TRPC4: variants seen among roughly 807,000 people sequenced by gnomAD.
TRPC4 encodes transient receptor potential cation channel subfamily C member 4.
A neutral mutation model predicts 99.4 loss-of-function variants in TRPC4; 49 were observed. The observed-to-expected ratio is 0.49, with a 90% CI of 0.39 to 0.63. The LOEUF (loss-of-function observed/expected upper bound fraction) is 0.63, where lower values mean the gene tolerates loss of function less well. TRPC4 is among the 20% of genes least tolerant of loss of function. The pLI is 0.00. For missense variants in TRPC4, 898 were observed against 1,152.9 expected (o/e 0.78, Z 3.20); for synonymous variants, 454 against 425.9 (o/e 1.07, Z -0.81).
intron 8 of TRPC4, among the ~76,000 whole-genome samples, chr13:37,648,230 C>A (rs566641458): frequency 6.6e-6 from 1 of 152,114 alleles, no homozygotes; most frequent in African/African-American, 2.4e-5. Flanking sequence ...TGTGAGCCGC[C>A]GCACCCAGCG....
At chr13:37,799,295 T>C (rs1957336352) in intron 1 of TRPC4, among the ~76,000 whole-genome samples, 1 of 152,174 alleles carries the variant, frequency 6.6e-6, no homozygotes, top group Non-Finnish European at 1.5e-5. Flanking sequence ...CCTCTAGCAA[T>C]GCATGTAGAG....
At chr13:37,698,138 C>A (rs1180179881) in intron 3 of TRPC4, among the ~76,000 whole-genome samples, 1 of 121,978 alleles carries the variant, frequency 8.2e-6, no homozygotes, top group South Asian at 2.7e-4. Context: ...CATTTTTGCC[C>A]AGTTCTCAAG....
At chr13:37,660,842 C>T (rs1225770104) in intron 6 of TRPC4, among the ~76,000 whole-genome samples, 1 of 152,078 alleles carries the variant, frequency 6.6e-6, no homozygotes, top group African/African-American at 2.4e-5. Flanking sequence ...AAAGAAAGCA[C>T]AGAAGTAAGA....
At chr13:37,771,778 A>C (rs1367912885) in intron 2 of TRPC4, among the ~76,000 whole-genome samples, 1 of 151,758 alleles carries the variant, frequency 6.6e-6, no homozygotes, top group Non-Finnish European at 1.5e-5. Flanking sequence ...GGGTATATGT[A>C]GAAGAAAAAA....
intron 3 of TRPC4, among the ~76,000 whole-genome samples, chr13:37,732,379 T>C (rs1955266669): frequency 6.6e-6 from 1 of 152,126 alleles, no homozygotes; most frequent in Non-Finnish European, 1.5e-5. Context: ...TTGGGAAAAG[T>C]TGACAGCATT....
chr13:37,814,351 G>T (rs1323686222), intron 1 of TRPC4, among the ~76,000 whole-genome samples: 4 of 151,590 alleles, frequency 2.6e-5, no homozygotes, highest in Non-Finnish European at 5.9e-5. Context: ...GAAAAAAAAG[G>T]TATCAAAGTA....
intron 2 of TRPC4, among the ~76,000 whole-genome samples, chr13:37,776,910 G>A (rs59902983): frequency 0.03 from 4,497 of 151,854 alleles, 123 homozygotes; most frequent in South Asian, 0.081. Context: ...AATCCATATC[G>A]ACTAAGAATC....
intron 1 of TRPC4, among the ~76,000 whole-genome samples, chr13:37,853,187 G>A (rs1000654896): frequency 2.0e-5 from 3 of 152,176 alleles, no homozygotes; most frequent in Non-Finnish European, 4.4e-5. Flanking sequence ...TCCCAACAAA[G>A]TCTAGTGCTG....
At chr13:37,669,563 T>G (rs975901754) in intron 5 of TRPC4, among the ~76,000 whole-genome samples, 1 of 152,220 alleles carries the variant, frequency 6.6e-6, no homozygotes, top group Non-Finnish European at 1.5e-5. Context: ...ATTTTTATGC[T>G]CTGTCTTTGC....
intron 3 of TRPC4, among the ~76,000 whole-genome samples, chr13:37,710,724 A>G (rs1322680455): frequency 6.6e-6 from 1 of 151,828 alleles, no homozygotes; most frequent in Admixed American, 6.6e-5. Context: ...GATCTTCTTT[A>G]TGGGTCTTGA....
At chr13:37,793,841 T>C (rs750879290) in intron 1 of TRPC4, among the ~76,000 whole-genome samples, 8 of 152,120 alleles carry the variant, frequency 5.3e-5, no homozygotes, top group Non-Finnish European at 8.8e-5. Context: ...GTTCAAGTTG[T>C]TCACCCTAGA....
In TRPC4 at chr13:37,636,010, A is replaced by C. The variant is rs981043056; in HGVS notation, c.*893T>G. 1.3e-5 allele frequency among the ~76,000 whole-genome samples: 2 copies of C among 152,124 alleles called. No homozygotes were observed. The highest frequency in any genetic ancestry group is 2.9e-5 in the Non-Finnish European group (2 of 68,006). On this transcript the variant is annotated 3_prime_UTR_variant, in exon 11 of 11. Coordinates refer to ENST00000379705, the MANE Select transcript of TRPC4 (RefSeq NM_016179.4). ...CAACTTTACTTAGATTTAGATTGTT[A>C]GAATAAATTCATTTTCATTTGGATA...
At chr13:37,656,849 A>G (rs1952254877) in intron 6 of TRPC4, among the ~76,000 whole-genome samples, 1 of 152,184 alleles carries the variant, frequency 6.6e-6, no homozygotes, top group Non-Finnish European at 1.5e-5. Flanking sequence ...ACACAGAGTA[A>G]CAATCCCATG....
intron 4 of TRPC4, among the ~76,000 whole-genome samples, chr13:37,678,746 G>T (rs1349486703): frequency 6.6e-6 from 1 of 151,986 alleles, no homozygotes; most frequent in Non-Finnish European, 1.5e-5. Flanking sequence ...CATTTAAGAG[G>T]CAAGTATTAC....
At chr13:37,711,885 C>A (rs1323072727) in intron 3 of TRPC4, among the ~76,000 whole-genome samples, 1 of 151,512 alleles carries the variant, frequency 6.6e-6, no homozygotes, top group East Asian at 1.9e-4. Context: ...TTAATAATGG[C>A]ATTTAACATA....
intron 6 of TRPC4, among the ~76,000 whole-genome samples, chr13:37,655,672 TC>T (rs761691767): frequency 3.2e-4 from 48 of 152,188 alleles, no homozygotes; most frequent in Non-Finnish European, 5.3e-4. Flanking sequence ...CATCTCTATA[TC>T]CATAAATAAA....
At chr13:37,745,459 T>TACGCATATATATATATATATATATGC in intron 3 of TRPC4, among the ~76,000 whole-genome samples, 1 of 86,842 alleles carries the variant, frequency 1.2e-5, no homozygotes, top group East Asian at 6.2e-4. Flanking sequence ...TATATATATA[T>TACGCATATATATATATATATATATGC]ATATATATAT....
chr13:37,745,924 T>G lies in TRPC4; in HGVS notation c.897+13A>C, dbSNP rs771604661. The G allele has an allele frequency of 1.2e-6, 2 of 1,602,220 alleles. No homozygotes were observed. Among genetic ancestry groups the G allele is most frequent in the South Asian group, 2.2e-5 (2 of 89,442 alleles). The stretch of plus-strand genomic sequence containing the variant: ...CTATGGCATTTTGATGGATCAAGTC[T>G]GGCAACACTCACCTCTTTTTGACGG... On this transcript the variant is annotated intron_variant, in intron 3 of 10. Coordinates refer to ENST00000379705, the MANE Select transcript of TRPC4 (RefSeq NM_016179.4).
chr13:37,718,518 G>A (rs1383130199), intron 3 of TRPC4, among the ~76,000 whole-genome samples: 1 of 151,830 alleles, frequency 6.6e-6, no homozygotes, highest in African/African-American at 2.4e-5. Context: ...AGCTCAAGAT[G>A]GCAAATGAAA....
Sources: gnomAD v4.1 joint callset for allele counts (sites outside exome capture counted in the v4.1 genomes callset) on GRCh38, gnomAD v4.1.1 for gene constraint, MANE v1.5 for transcripts, NCBI Gene and HGNC (gene_info 2026-07-23, HGNC 2026-07-21) for gene names.